The following CEP131 variants were observed in gnomAD, a reference collection of about 807,000 sequenced individuals.
CEP131 encodes centrosomal protein of 131 kDa.
Under a neutral mutation model 136.8 loss-of-function variants are expected in CEP131, and 99 were observed. The observed-to-expected ratio is 0.72, with a 90% CI of 0.62 to 0.86. The LOEUF is 0.86. CEP131 is among the 40% of genes least tolerant of loss of function. CEP131 has a pLI of 0.00. For synonymous variants in CEP131, 646 were observed against 612.7 expected (o/e 1.05, Z -0.80); for missense variants, 1,459 against 1,463.0 (o/e 1.00, Z 0.04).
intron 7 of CEP131, among the ~76,000 whole-genome samples, chr17:81,201,193 CG>C (rs923811066): frequency 6.6e-6 from 1 of 152,224 alleles, no homozygotes; most frequent in Non-Finnish European, 1.5e-5. Context: ...CAGTCTGCCC[CG>C]GGCAGAACTG....
At chr17:81,214,478 C>CA (rs2062201169) in intron 2 of CEP131, among the ~76,000 whole-genome samples, 1 of 152,010 alleles carries the variant, frequency 6.6e-6, no homozygotes, top group Non-Finnish European at 1.5e-5. Flanking sequence ...ATCACTTGAA[C>CA]CCAGGAGACA....
rs756035665 is a variant in CEP131, at chr17:81,199,387, T to C, written c.1186A>G (p.Asn396Asp). The C allele has an allele frequency of 2.5e-6, 4 of 1,602,814 alleles. No homozygotes were observed. Among genetic ancestry groups the C allele is most frequent in the Non-Finnish European group, 3.4e-6 (4 of 1,176,820 alleles). Residue 396 changes from asparagine to aspartate, a missense_variant, in exon 10 of 26, where the codon AAT (asparagine) becomes GAT (aspartate). Physicochemically the swap from Asn to Asp is conservative, Grantham distance 23 (BLOSUM62 1). This residue lies in a region of CEP131 where 1,026 missense variants were observed against 964.2 expected (regional missense o/e 1.06). Coordinates refer to ENST00000450824, the MANE Select transcript of CEP131 (RefSeq NM_014984.4). ...GGCGTGGAGCCACTCTCACCAGTAT[T>C]GTTGGCCTTGAGGGCCTGGTGGGCA... is the stretch of plus-strand genomic sequence containing the variant. ...GTAHQALKANNTGGGLPAAGP... is the reference protein window; with the variant it reads ...GTAHQALKANDTGGGLPAAGP...
At chr17:81,192,685 G>GGGGGGGC in intron 19 of CEP131, 51 bp downstream of exon 19, 1 of 478,436 alleles carries the variant, frequency 2.1e-6, no homozygotes, top group Non-Finnish European at 4.1e-6. Context: ...GGGGGGAGGG[G>GGGGGGGC]TCAGCCAGCG....
chr17:81,201,917 C>T (rs899109016), intron 7 of CEP131, among the ~76,000 whole-genome samples: 7 of 151,948 alleles, frequency 4.6e-5, no homozygotes, highest in Non-Finnish European at 8.8e-5. Context: ...CTGGCTAACA[C>T]GGTGAAACCC....
In CEP131 at chr17:81,203,660, G is replaced by A; in HGVS notation, c.516-53C>T. The A allele has an allele frequency of 1.4e-6, 2 of 1,389,330 alleles. No individual in the cohort carries two copies. Among genetic ancestry groups the A allele is most frequent in the South Asian group, 1.2e-5 (1 of 80,282 alleles). The allele number at this position is 1,389,330 out of a possible 1,614,324, so 86.1% of individuals were successfully genotyped here. A position where few individuals can be genotyped will look rare whatever the true frequency, so the allele number is the denominator to read the frequency against. ...GGTCAGGCCTCTGGAGGGGACGCCT[G>A]AGATCTCAGAGCTACACTCGCAGCA... On this transcript the variant is annotated intron_variant, in intron 5 of 25. Coordinates refer to ENST00000450824, the MANE Select transcript of CEP131 (RefSeq NM_014984.4). This position sits in a 1 kb window ranked among gnomAD's most constrained non-coding sequence, Gnocchi z 4.6.
Position 81,197,737 on chromosome 17 carries a change from T to G in CEP131, c.1622A>C (p.Gln541Pro). 2 of 1,612,586 alleles carry G rather than the reference T, an allele frequency of 1.2e-6. No individual in the cohort carries two copies. The highest frequency in any genetic ancestry group is 1.7e-6 in the Non-Finnish European group (2 of 1,179,736). Residue 541 changes from glutamine (Q) to proline (P), a missense_variant, in exon 13 of 26, where the codon CAG becomes CCG. Physicochemically the swap from Gln to Pro is moderately conservative, Grantham distance 76. Transcript: ENST00000450824. The part of the protein sequence containing the change: ...SFLDEMEKSG[Q>P]DQLDSQQEGW... The stretch of plus-strand genomic sequence containing the variant: ...CTCCTGCTGGGAGTCCAGCTGGTCC[T>G]GCCCAGACTTCTCCATCTCGTCCAA...
chr17:81,205,982 G>A (rs1211180078), intron 5 of CEP131, among the ~76,000 whole-genome samples: 1 of 152,192 alleles, frequency 6.6e-6, no homozygotes, highest in Non-Finnish European at 1.5e-5. Flanking sequence ...AAGGCGGGTG[G>A]ATCATGAGGT....
rs189531293 is a variant in CEP131 at position 81,209,509 on chromosome 17, G to T, written c.178-487C>A. Among the ~76,000 whole-genome samples the T allele has an allele frequency of 5.5e-4, 84 of 152,302 alleles. 1 individual carries two copies. The East Asian group carries it at 0.014, about 26-fold the overall frequency. On this transcript the variant is annotated intron_variant, in intron 2 of 25. Transcript: ENST00000450824. ...TAGTGAGTGCAGCCAACTGCCCAGC[G>T]GTTCCAGGTCCGTGGAAAGGGGTGG...
rs1313228670 is a variant in CEP131, at chr17:81,219,764, C to A, written c.177+116G>T. ...TCCTGGAACAGCCACGAGGATCCAG[C>A]ATGTCCAGATGTGAGGCACTTGTTC... On this transcript the variant is annotated intron_variant, in intron 2 of 25. Transcript: ENST00000450824. This position sits in a 1 kb window ranked among gnomAD's most constrained non-coding sequence, Gnocchi z 4.0. 6.2e-6 allele frequency: 7 copies of A among 1,129,934 alleles called. No homozygotes were observed. Among genetic ancestry groups the A allele is most frequent in the Non-Finnish European group, 8.5e-6 (7 of 827,558 alleles). 70.0% of individuals were successfully genotyped at this position (1,129,934 alleles called of 1,614,324 possible).
At chr17:81,196,532 G>A (rs2061758522) in intron 15 of CEP131, among the ~76,000 whole-genome samples, 169 bp downstream of exon 15, 1 of 152,224 alleles carries the variant, frequency 6.6e-6, no homozygotes, top group Non-Finnish European at 1.5e-5. Flanking sequence ...CCCTCTCCAG[G>A]GCATGCATGG....
chr17:81,199,801 A>G lies in CEP131; in HGVS notation c.941T>C (p.Leu314Ser). 1 of 1,611,726 alleles carries G rather than the reference A, an allele frequency of 6.2e-7. No individual in the cohort carries two copies. The highest frequency in any genetic ancestry group is 8.5e-7 in the Non-Finnish European group (1 of 1,179,964). The change falls in exon 9 of 26, where the codon TTG (leucine) becomes TCG (serine). Residue 314 changes from leucine (L) to serine (S), a missense_variant. Coordinates refer to ENST00000450824, the MANE Select transcript of CEP131 (RefSeq NM_014984.4). Reference protein sequence around the residue: ...QRQRSGEGTLLDLHQQKEAAR... With the variant: ...QRQRSGEGTLSDLHQQKEAAR... ...TGCCTCTTTCTGCTGGTGCAGGTCC[A>G]AGAGGGTCCCCTCGCCTGACCGCTG...
intron 2 of CEP131, among the ~76,000 whole-genome samples, chr17:81,214,505 G>C (rs774394640): frequency 1.2e-4 from 18 of 151,774 alleles, no homozygotes; most frequent in Admixed American, 1.3e-4. Flanking sequence ...GCGGTGAGGT[G>C]AAATCACACC....
chr17:81,192,676 G>T (rs1598267091), intron 19 of CEP131, 60 bp downstream of exon 19: 1 of 1,352,908 alleles, frequency 7.4e-7, no homozygotes, highest in Non-Finnish European at 1.0e-6. Context: ...GAGGGGGCGG[G>T]GGGGAGGGGT....
intron 2 of CEP131, among the ~76,000 whole-genome samples, chr17:81,217,829 T>A (rs758335765): frequency 3.3e-5 from 5 of 152,098 alleles, no homozygotes; most frequent in African/African-American, 1.2e-4. Flanking sequence ...GCTTTGAACC[T>A]CTACTCAGCA....
chr17:81,216,526 G>A (rs140215552), intron 2 of CEP131, among the ~76,000 whole-genome samples: 204 of 152,210 alleles, frequency 1.3e-3, no homozygotes, highest in East Asian at 5.6e-3. Context: ...GCAAGACCCC[G>A]TCTTAAAAAG....
intron 2 of CEP131, among the ~76,000 whole-genome samples, chr17:81,217,169 G>A (rs1227730347): frequency 3.3e-5 from 5 of 152,114 alleles, no homozygotes; most frequent in Admixed American, 1.3e-4. Flanking sequence ...TGATCTAGGG[G>A]GCTAGAGGAT....
rs1186917526 is a variant in CEP131 at position 81,192,526 on chromosome 17, G to A, written c.2497C>T (p.Leu833=). 9 of 1,611,046 alleles carry A rather than the reference G, an allele frequency of 5.6e-6. 1 individual carries two copies. In the Admixed American group the frequency reaches 1.0e-4, roughly 18 times the overall value. Residue 833 remains leucine, a synonymous_variant, in exon 20 of 26, where the codon CTG becomes TTG. Coordinates refer to ENST00000450824, the MANE Select transcript of CEP131 (RefSeq NM_014984.4). ...CTGCCCTTCTCAAACTCAGCCCTCA[G>A]GGCTCGGGTCAGTGCAGAGCTGCTC... ...EESSSALTRA[L]RAEFEKGREE...
In CEP131 at chr17:81,192,538, G is replaced by T; in HGVS notation, c.2485C>A (p.Leu829Met). The T allele has an allele frequency of 1.2e-6, 2 of 1,610,454 alleles. No homozygotes were observed. The highest frequency in any genetic ancestry group is 2.2e-5 in the South Asian group (2 of 90,708). The change falls in exon 20 of 26, where the codon CTG becomes ATG. Residue 829 changes from leucine to methionine, a missense_variant. Leu to Met is a conservative substitution (Grantham distance 15, BLOSUM62 2). Coordinates refer to ENST00000450824, the MANE Select transcript of CEP131 (RefSeq NM_014984.4). ...AACTCAGCCCTCAGGGCTCGGGTCA[G>T]TGCAGAGCTGCTCTCCTCCAGCTGC... ...RQQLEESSSA[L>M]TRALRAEFEK... is the part of the protein sequence containing the mutation.
intron 16 of CEP131, among the ~76,000 whole-genome samples, chr17:81,195,257 G>A (rs555770465): frequency 2.0e-5 from 3 of 152,358 alleles, no homozygotes; most frequent in Middle Eastern, 3.4e-3. Context: ...GCTGCCTGTC[G>A]GGACGGCCCC....
Sources: allele counts gnomAD v4.1 joint callset (sites outside exome capture counted in the v4.1 genomes callset), GRCh38; gene constraint gnomAD v4.1.1; regional missense constraint gnomAD v4.1.1; non-coding constraint Gnocchi (gnomAD v3.1); transcripts MANE v1.5; gene names NCBI Gene and HGNC (gene_info 2026-07-23, HGNC 2026-07-21).